CDK5RAP1: variants seen among roughly 807,000 people sequenced by gnomAD.
The protein encoded by CDK5RAP1 is mitochondrial tRNA methylthiotransferase CDK5RAP1.
CDK5RAP1 carries 62 observed loss-of-function variants against 64.5 expected under a neutral mutation model. The observed-to-expected ratio is 0.96, with a 90% CI of 0.78 to 1.19. The LOEUF (loss-of-function observed/expected upper bound fraction) is 1.19, where lower values mean the gene tolerates loss of function less well. Among genes scored for constraint, CDK5RAP1 ranks in the 50% most tolerant of loss-of-function variants. CDK5RAP1 has a pLI of 0.00. For synonymous variants in CDK5RAP1, 250 were observed against 261.9 expected (o/e 0.95, Z 0.44); for missense variants, 657 against 735.0 (o/e 0.89, Z 1.23).
intron 2 of CDK5RAP1, among the ~76,000 whole-genome samples, 158 bp downstream of exon 2, chr20:33,396,603 T>C (rs1471885116): frequency 1.3e-5 from 2 of 150,664 alleles, no homozygotes; most frequent in Non-Finnish European, 3.0e-5. Flanking sequence ...ACCAGTCGAG[T>C]TTCTTGATAT....
Position 33,379,576 on chromosome 20 carries a change from T to C in CDK5RAP1, c.992A>G (p.Tyr331Cys), listed in dbSNP as rs1986485787. The stretch of plus-strand genomic sequence containing the variant: ...ACGAAGTCCTCCTTGCTTGGTTTTA[T>C]AGTTGGTGGTAAAGCCACGACTGAG... ...TNLSRGFTTN[Y>C]KTKQGGLRFA... The change falls in exon 8 of 14, where the codon TAT (tyrosine) becomes TGT (cysteine). Residue 331 changes from tyrosine to cysteine, a missense_variant. Coordinates refer to ENST00000346416, the MANE Select transcript of CDK5RAP1 (RefSeq NM_016408.4). The C allele has an allele frequency of 6.8e-6, 11 of 1,614,102 alleles. No individual in the cohort carries two copies. Among genetic ancestry groups the C allele is most frequent in the Non-Finnish European group, 9.3e-6 (11 of 1,179,974 alleles).
chr20:33,362,729 A>C (rs1983174571), intron 12 of CDK5RAP1, among the ~76,000 whole-genome samples: 1 of 152,244 alleles, frequency 6.6e-6, no homozygotes, highest in Non-Finnish European at 1.5e-5. Flanking sequence ...TCATTACAAG[A>C]ATCTTACATT....
At chr20:33,383,881 C>T (rs572150804) in intron 7 of CDK5RAP1, among the ~76,000 whole-genome samples, 1 of 151,550 alleles carries the variant, frequency 6.6e-6, no homozygotes, top group South Asian at 2.1e-4. Context: ...CACTACACTC[C>T]AGCCAAAAAA....
chr20:33,372,276 T>TAAA lies in CDK5RAP1; in HGVS notation c.1261+363_1261+365dup, dbSNP rs140253341. ...AATAAGAATAGTAAGTTCTTATTTC[T>TAAA]AAAAAAAAAAAAAAAAGATATCAAT... On this transcript the variant is annotated intron_variant, in intron 10 of 13. Coordinates refer to ENST00000346416, the MANE Select transcript of CDK5RAP1 (RefSeq NM_016408.4). 2.0e-3 allele frequency among the ~76,000 whole-genome samples: 277 copies of TAAA among 138,994 alleles called. 1 individual carries two copies. The highest frequency in any genetic ancestry group is 6.9e-3 in the Admixed American group (95 of 13,860). 91.2% of individuals were successfully genotyped at this position (138,994 alleles called of 152,430 possible).
chr20:33,379,740 A>C (rs1470335582), intron 7 of CDK5RAP1, 49 bp from the exon 8 acceptor site: 3 of 1,331,042 alleles, frequency 2.3e-6, no homozygotes, highest in Non-Finnish European at 3.2e-6. Flanking sequence ...GGGTAGCTTC[A>C]TAAAAAAACA....
rs189585339 is a variant in CDK5RAP1, at chr20:33,398,825, T to C, written c.-20-1741A>G. 3.5e-3 allele frequency among the ~76,000 whole-genome samples: 529 copies of C among 150,646 alleles called. 2 individuals carry two copies. Among genetic ancestry groups the C allele is most frequent in the African/African-American group, 0.012 (505 of 40,950 alleles). ...CCTGTAGTCCCAGCTACTCAGGAGG[T>C]TGAGATGAAAGGATTGCTTGAGCCC... On this transcript the variant is annotated intron_variant, in intron 1 of 13. Coordinates refer to ENST00000346416, the MANE Select transcript of CDK5RAP1 (RefSeq NM_016408.4).
chr20:33,375,118 G>A (rs1194050160), intron 8 of CDK5RAP1, among the ~76,000 whole-genome samples: 2 of 150,952 alleles, frequency 1.3e-5, no homozygotes, highest in Non-Finnish European at 3.0e-5. Context: ...AATACATAAA[G>A]AGGCTGGGCG....
intron 11 of CDK5RAP1, among the ~76,000 whole-genome samples, chr20:33,368,229 A>C (rs1050837602): frequency 9.2e-5 from 14 of 152,140 alleles, no homozygotes; most frequent in Non-Finnish European, 2.1e-4. Flanking sequence ...CCCAAAGTGA[A>C]CATTCATATT....
At chr20:33,378,698 AAAC>A (rs1986345858) in intron 8 of CDK5RAP1, among the ~76,000 whole-genome samples, 1 of 152,184 alleles carries the variant, frequency 6.6e-6, no homozygotes, top group Admixed American at 6.5e-5. Flanking sequence ...GAAAAGTTGA[AAAC>A]ATCACATGCT....
At chr20:33,387,236 A>C in intron 6 of CDK5RAP1, 87 bp downstream of exon 6, 1 of 987,968 alleles carries the variant, frequency 1.0e-6, no homozygotes, top group Non-Finnish European at 1.5e-6. Context: ...AGCCTGGATG[A>C]CAAGAGTGAG....
chr20:33,380,023 ATAAAG>A (rs1986539642), intron 7 of CDK5RAP1, among the ~76,000 whole-genome samples: 3 of 152,232 alleles, frequency 2.0e-5, no homozygotes, highest in Admixed American at 1.3e-4. Context: ...CCATGACTAT[ATAAAG>A]TATTCTCACC....
At chr20:33,361,939 G>A (rs1447706173) in intron 12 of CDK5RAP1, among the ~76,000 whole-genome samples, 2 of 127,156 alleles carry the variant, frequency 1.6e-5, no homozygotes, top group Admixed American at 9.3e-5. Context: ...GTGGGCAACA[G>A]AGTGAGCCTC....
intron 9 of CDK5RAP1, chr20:33,373,409 C>A (rs1340165952): frequency 1.3e-5 from 2 of 152,444 alleles, no homozygotes; most frequent in East Asian, 3.9e-4. Flanking sequence ...CCACCACAGT[C>A]TCCCAAAGTG....
intron 7 of CDK5RAP1, among the ~76,000 whole-genome samples, 182 bp from the exon 8 acceptor site, chr20:33,379,873 T>G (rs1041160928): frequency 6.6e-6 from 1 of 152,170 alleles, no homozygotes; most frequent in African/African-American, 2.4e-5. Flanking sequence ...CTTAGACATC[T>G]TACCTAAAGA....
chr20:33,398,561 T>G (rs551429887), intron 1 of CDK5RAP1, among the ~76,000 whole-genome samples: 1 of 152,216 alleles, frequency 6.6e-6, no homozygotes, highest in South Asian at 2.1e-4. Context: ...AAGATCTAAA[T>G]GTTATCAATA....
chr20:33,400,092 C>T (rs1337050432), intron 1 of CDK5RAP1, among the ~76,000 whole-genome samples: 1 of 152,174 alleles, frequency 6.6e-6, no homozygotes. Flanking sequence ...CTTGCATATA[C>T]GCAGTTCACA....
chr20:33,401,558 T>G, upstream of CDK5RAP1: 1 of 976,354 alleles, frequency 1.0e-6, no homozygotes, highest in South Asian at 4.7e-5. Context: ...GGCCGGGTCA[T>G]GCTAACGGAA....
intron 12 of CDK5RAP1, 112 bp downstream of exon 12, chr20:33,366,747 A>T: frequency 1.0e-6 from 1 of 961,244 alleles, no homozygotes; most frequent in Non-Finnish European, 1.5e-6. Context: ...CAGGAGAATC[A>T]CTTGAGCCCA....
intron 7 of CDK5RAP1, among the ~76,000 whole-genome samples, chr20:33,380,662 C>T (rs879353638): frequency 6.6e-6 from 1 of 152,106 alleles, no homozygotes; most frequent in Non-Finnish European, 1.5e-5. Context: ...AAAATGTTAA[C>T]AATCACGTTT....
Sources: allele counts gnomAD v4.1 joint callset (sites outside exome capture counted in the v4.1 genomes callset), GRCh38; gene constraint gnomAD v4.1.1; transcripts MANE v1.5; gene names NCBI Gene and HGNC (gene_info 2026-07-23, HGNC 2026-07-21).